CFAP299: variants seen among roughly 807,000 people sequenced by gnomAD.
CFAP299 encodes cilia- and flagella-associated protein 299.
Under a neutral mutation model 27.0 loss-of-function variants are expected in CFAP299, and 21 were observed. The ratio of observed to expected loss-of-function variants is 0.78; its 90% confidence interval spans 0.55 to 1.12. The LOEUF is 1.12. CFAP299 is among the 50% of genes most tolerant of loss of function. The pLI is 0.00. For synonymous variants in CFAP299, 104 were observed against 98.1 expected (o/e 1.06, Z -0.36); for missense variants, 310 against 276.6 (o/e 1.12, Z -0.86).
chr4:80,857,319 T>A (rs1192130943), intron 3 of CFAP299, among the ~76,000 whole-genome samples: 1 of 152,064 alleles, frequency 6.6e-6, no homozygotes, highest in African/African-American at 2.4e-5. Context: ...GACAATGGGG[T>A]TTTCTAGATT....
At chr4:80,429,564 A>G (rs1727706270) in intron 2 of CFAP299, among the ~76,000 whole-genome samples, 1 of 152,128 alleles carries the variant, frequency 6.6e-6, no homozygotes, top group South Asian at 2.1e-4. Flanking sequence ...GCTCAATTTT[A>G]TGGAAATTTT....
intron 4 of CFAP299, among the ~76,000 whole-genome samples, chr4:80,922,618 T>G (rs1736102187): frequency 6.6e-6 from 1 of 151,998 alleles, no homozygotes. Flanking sequence ...ATTTATTTTA[T>G]CTACATGATA....
At chr4:80,871,695 G>C (rs1733106303) in intron 4 of CFAP299, 2 of 935,198 alleles carry the variant, frequency 2.1e-6, no homozygotes, top group Non-Finnish European at 2.5e-6. Flanking sequence ...GCTTTGTTTT[G>C]TTAAAGCAAA....
intron 3 of CFAP299, among the ~76,000 whole-genome samples, chr4:80,762,627 T>C (rs1192785183): frequency 6.6e-6 from 1 of 152,180 alleles, no homozygotes; most frequent in Non-Finnish European, 1.5e-5. Flanking sequence ...TACTGGGTCC[T>C]TTCTGTAGGA....
chr4:80,752,864 A>G (rs1725015672), intron 3 of CFAP299, among the ~76,000 whole-genome samples: 1 of 152,042 alleles, frequency 6.6e-6, no homozygotes, highest in African/African-American at 2.4e-5. Flanking sequence ...CTATTTTTAA[A>G]TAATATGCCA....
rs181952968 is a variant in CFAP299, at chr4:80,686,182, T to C, written c.333+102999T>C. Among the ~76,000 whole-genome samples, 770 of 152,288 alleles carry C rather than the reference T, an allele frequency of 5.1e-3. 5 individuals are homozygous for C. Among genetic ancestry groups the C allele is most frequent in the Middle Eastern group, 0.02 (6 of 294 alleles). The stretch of plus-strand genomic sequence containing the variant: ...TCAAACCCTAAAAGAACTCCTTAGA[T>C]TGTTACCCTAATAGTGAAATAAACA... On this transcript the variant is annotated intron_variant, in intron 3 of 5. Transcript: ENST00000358105.
chr4:80,799,662 A>AT (rs1192088648), intron 3 of CFAP299, among the ~76,000 whole-genome samples: 1 of 17,920 alleles, frequency 5.6e-5, no homozygotes, highest in Admixed American at 1.1e-3. Context: ...TATATATTAT[A>AT]TTTTATAAAT....
intron 3 of CFAP299, among the ~76,000 whole-genome samples, chr4:80,814,533 T>C (rs1729324320): frequency 2.0e-5 from 3 of 148,720 alleles, no homozygotes; most frequent in African/African-American, 7.8e-5. Flanking sequence ...CCCTAGTGGG[T>C]TTTTGTGTTC....
chr4:80,574,774 T>A (rs1735764687), intron 2 of CFAP299, among the ~76,000 whole-genome samples: 1 of 152,202 alleles, frequency 6.6e-6, no homozygotes, highest in South Asian at 2.1e-4. Context: ...TTGATTTTCA[T>A]ATGCTAAATC....
intron 2 of CFAP299, among the ~76,000 whole-genome samples, chr4:80,465,576 T>A (rs1209597646): frequency 6.6e-6 from 1 of 152,176 alleles, no homozygotes; most frequent in Non-Finnish European, 1.5e-5. Flanking sequence ...CCTTCCATCT[T>A]GTGCACATTC....
At chr4:80,493,759 CTTTTTTTT>C (rs1177389983) in intron 2 of CFAP299, among the ~76,000 whole-genome samples, 1 of 76,758 alleles carries the variant, frequency 1.3e-5, no homozygotes, top group Non-Finnish European at 2.4e-5. Flanking sequence ...ATCTCATATT[CTTTTTTTT>C]TTTTTTTTTT....
chr4:80,557,605 T>G (rs1411127898), intron 2 of CFAP299, among the ~76,000 whole-genome samples: 1 of 152,074 alleles, frequency 6.6e-6, no homozygotes, highest in African/African-American at 2.4e-5. Flanking sequence ...TTGCTAGTAT[T>G]CTAGTGACAG....
At chr4:80,642,086 T>C (rs1739756596) in intron 3 of CFAP299, among the ~76,000 whole-genome samples, 1 of 152,204 alleles carries the variant, frequency 6.6e-6, no homozygotes, top group African/African-American at 2.4e-5. Context: ...TCTGAGGAGT[T>C]TGTATTTCAT....
At chr4:80,603,365 C>T (rs975989476) in intron 3 of CFAP299, among the ~76,000 whole-genome samples, 2 of 152,046 alleles carry the variant, frequency 1.3e-5, no homozygotes, top group African/African-American at 2.4e-5. Context: ...TAATTAGGTA[C>T]AATTTTTGCT....
At chr4:80,797,551 T>A (rs1017947739) in intron 3 of CFAP299, among the ~76,000 whole-genome samples, 1 of 152,188 alleles carries the variant, frequency 6.6e-6, no homozygotes, top group African/African-American at 2.4e-5. Context: ...TCCCCTTGCC[T>A]TTGATGGTTG....
intron 3 of CFAP299, among the ~76,000 whole-genome samples, chr4:80,829,242 T>C (rs190061469): frequency 6.3e-4 from 95 of 151,882 alleles, no homozygotes; most frequent in Non-Finnish European, 1.0e-3. Context: ...AAAAAACAAA[T>C]AACCCAATTC....
intron 2 of CFAP299, among the ~76,000 whole-genome samples, chr4:80,492,548 T>C (rs998524328): frequency 1.7e-4 from 26 of 152,130 alleles, no homozygotes; most frequent in African/African-American, 5.8e-4. Context: ...ACTTGGGAAG[T>C]GTATGGAGTC....
chr4:80,955,040 A>C lies in CFAP299; in HGVS notation c.607-8477A>C, dbSNP rs1487895288. Among the ~76,000 whole-genome samples the C allele has an allele frequency of 1.6e-4, 21 of 131,928 alleles. 1 individual carries two copies. The highest frequency in any genetic ancestry group is 7.9e-4 in the South Asian group (3 of 3,820). 86.5% of individuals were successfully genotyped at this position (131,928 alleles called of 152,430 possible). A position where few individuals can be genotyped will look rare whatever the true frequency, so the allele number is the denominator to read the frequency against. ...AAAAAAAAAAAAAAAAAAAACGCAC[A>C]CATGGCCATATACAGAGTAGTATAA... On this transcript the variant is annotated intron_variant, in intron 5 of 5. Coordinates refer to ENST00000358105, the MANE Select transcript of CFAP299 (RefSeq NM_152770.3).
At position 80,668,692 on chromosome 4, in the gene CFAP299, T is replaced by C. The variant is rs1309923928; in HGVS notation, c.333+85509T>C. On this transcript the variant is annotated intron_variant, in intron 3 of 5. Coordinates refer to ENST00000358105, the MANE Select transcript of CFAP299 (RefSeq NM_152770.3). Reference sequence around the variant, plus strand: ...TTTTTAATGCCAGTATTAAGCTTATTTGGTTATTATAGCTTTGTAGAATAT... The same window carrying C: ...TTTTTAATGCCAGTATTAAGCTTATCTGGTTATTATAGCTTTGTAGAATAT... 2.6e-5 allele frequency among the ~76,000 whole-genome samples: 4 copies of C among 152,288 alleles called. No individual in the cohort carries two copies. The South Asian group carries it at 8.3e-4, about 32-fold the overall frequency.
Sources: allele counts gnomAD v4.1 joint callset (sites outside exome capture counted in the v4.1 genomes callset), GRCh38; gene constraint gnomAD v4.1.1; transcripts MANE v1.5; gene names NCBI Gene and HGNC (gene_info 2026-07-23, HGNC 2026-07-21).